The following ARL9 variants were observed in gnomAD, a reference collection of about 807,000 sequenced individuals.
The protein encoded by ARL9 is ARF like GTPase 9.
A neutral mutation model predicts 27.0 loss-of-function variants in ARL9; 14 were observed. The observed-to-expected ratio is 0.52, with a 90% CI of 0.34 to 0.81. The LOEUF (loss-of-function observed/expected upper bound fraction) is 0.81, where lower values mean the gene tolerates loss of function less well. Ranked by LOEUF, ARL9 falls within the 30% of genes least tolerant of loss-of-function variation. The pLI is 0.01. For synonymous variants in ARL9, 106 were observed against 108.7 expected, an observed-to-expected ratio of 0.98 and a Z score of 0.15; for missense variants, 294 against 290.0, an observed-to-expected ratio of 1.01 and a Z score of -0.10.
rs1444307970 is a variant in ARL9 at position 56,523,810 on chromosome 4, A to T, written c.732A>T (p.Ser244=). 6.2e-7 allele frequency: 1 copy of T among 1,614,044 alleles called. No homozygotes were observed. Among genetic ancestry groups the T allele is most frequent in the East Asian group, 2.2e-5 (1 of 44,884 alleles). ...GAACCTACCTGACTAAGAATGGCTCAGAGATACCCTCCACCATGCAAGATG... is the reference window on the plus strand; with the variant it reads ...GAACCTACCTGACTAAGAATGGCTCTGAGATACCCTCCACCATGCAAGATG... ...LFGTYLTKNG[S]EIPSTMQDAK... The change falls in exon 4 of 4, where the codon TCA becomes TCT. Residue 244 remains serine, a synonymous_variant. Coordinates refer to ENST00000640821, the MANE Select transcript of ARL9 (RefSeq NM_001363794.2).
rs1336005981 is a variant in ARL9, at chr4:56,523,547, C to A, written c.619-150C>A. On this transcript the variant is annotated intron_variant, in intron 3 of 3. Coordinates refer to ENST00000640821, the MANE Select transcript of ARL9 (RefSeq NM_001363794.2). ...GATGAAAACCTTTTTATTCAAACAA[C>A]CTCTGGGCTCATAATAATGGAGTCA... The A allele has an allele frequency of 5.0e-6, 3 of 601,088 alleles. No individual in the cohort carries two copies. The African/African-American group carries it at 5.6e-5, about 11-fold the overall frequency. 37.2% of individuals were successfully genotyped at this position (601,088 alleles called of 1,614,324 possible).
chr4:56,513,592 T>C (rs919626432), intron 2 of ARL9, among the ~76,000 whole-genome samples: 7 of 152,060 alleles, frequency 4.6e-5, no homozygotes, highest in Non-Finnish European at 8.8e-5. Flanking sequence ...TTACTCTTCC[T>C]GCTCTTTCCC....
chr4:56,523,608 G>T, intron 3 of ARL9, 89 bp from the exon 4 acceptor site: 1 of 1,064,820 alleles, frequency 9.4e-7, no homozygotes. Flanking sequence ...TGGTCACTGA[G>T]AGCAATAAAT....
In ARL9 at chr4:56,506,049, GAGAC is replaced by G; in HGVS notation, c.189_192del (p.Asn65LysfsTer20). The G allele has an allele frequency of 8.1e-7, 1 of 1,231,616 alleles. No homozygotes were observed. Among genetic ancestry groups the G allele is most frequent in the Middle Eastern group, 3.1e-4 (1 of 3,212 alleles). The allele number at this position is 1,231,616 out of a possible 1,614,324, so 76.3% of individuals were successfully genotyped here. On this transcript the variant is annotated frameshift_variant, in exon 1 of 4. Coordinates refer to ENST00000640821, the MANE Select transcript of ARL9 (RefSeq NM_001363794.2). LOFTEE classifies it high-confidence loss of function. ...GGAAAAGAGGACAAAGCAAGGGAAG[GAGAC>G]AAACAAAGAGAAGGAACAATTTAAG... is the stretch of plus-strand genomic sequence containing the variant.
At chr4:56,521,923 C>G (rs949118640) in intron 3 of ARL9, among the ~76,000 whole-genome samples, 1 of 151,556 alleles carries the variant, frequency 6.6e-6, no homozygotes, top group Non-Finnish European at 1.5e-5. Context: ...TATCATTTTA[C>G]TTTGCTTACT....
chr4:56,511,483 A>T, intron 2 of ARL9, 136 bp downstream of exon 2: 1 of 974,784 alleles, frequency 1.0e-6, no homozygotes, highest in Non-Finnish European at 1.5e-6. Flanking sequence ...ATGGATGTGT[A>T]GTTTAATACC....
chr4:56,508,436 G>A (rs1358272206), intron 1 of ARL9, among the ~76,000 whole-genome samples: 1 of 151,916 alleles, frequency 6.6e-6, no homozygotes, highest in Non-Finnish European at 1.5e-5. Flanking sequence ...AGGCTGGAGT[G>A]CAATGGCGCG....
chr4:56,513,144 T>A (rs937008333), intron 2 of ARL9, among the ~76,000 whole-genome samples: 1 of 152,252 alleles, frequency 6.6e-6, no homozygotes, highest in Non-Finnish European at 1.5e-5. Flanking sequence ...ACAGTGGCTA[T>A]ATTAAGCCAT....
intron 3 of ARL9, among the ~76,000 whole-genome samples, chr4:56,522,740 CA>C (rs1213801788): frequency 6.6e-6 from 1 of 152,176 alleles, no homozygotes; most frequent in Non-Finnish European, 1.5e-5. Context: ...GCGGCCTAAG[CA>C]CAGGCTTCCT....
intron 2 of ARL9, among the ~76,000 whole-genome samples, chr4:56,513,406 AT>A (rs1329065315): frequency 6.6e-6 from 1 of 152,240 alleles, no homozygotes; most frequent in Non-Finnish European, 1.5e-5. Context: ...TCTCTAAAAA[AT>A]TCTTGTAGTT....
Position 56,511,174 on chromosome 4 carries a change from T to G in ARL9, c.280-11T>G, listed in dbSNP as rs1406131312. 1 of 1,548,818 alleles carries G rather than the reference T, an allele frequency of 6.5e-7. No homozygotes were observed. The highest frequency in any genetic ancestry group is 8.7e-7 in the Non-Finnish European group (1 of 1,148,800). ...AGCATGGGCTTATTGATTTATCTTT[T>G]TGTTTCACAGGAGAAAAACAAGCAA... On this transcript the variant is annotated splice_polypyrimidine_tract_variant and intron_variant, in intron 1 of 3. Transcript: ENST00000640821.
intron 1 of ARL9, among the ~76,000 whole-genome samples, chr4:56,510,878 T>G (rs1161180832): frequency 1.3e-5 from 2 of 151,918 alleles, no homozygotes; most frequent in Non-Finnish European, 2.9e-5. Flanking sequence ...TTCAAGTGAT[T>G]TTTGTGCCTC....
At position 56,506,116 on chromosome 4, in the gene ARL9, T is replaced by C; in HGVS notation, c.254T>C (p.Leu85Ser). The change falls in exon 1 of 4, where the codon TTG (leucine) becomes TCG (serine). Residue 85 changes from leucine (L) to serine (S), a missense_variant. By Grantham distance (145) the Leu-to-Ser change is moderately radical. Transcript: ENST00000640821. ...AAAGGGGAGAACAAGGACAGCACCT[T>C]GACAAGGACCCCGCTCGAGCCGCTG... ...EEKGENKDSTLTRTPLEPLEK... is the reference protein window; with the variant it reads ...EEKGENKDSTSTRTPLEPLEK... The C allele has an allele frequency of 8.1e-7, 1 of 1,233,428 alleles. No homozygotes were observed. 76.4% of individuals were successfully genotyped at this position (1,233,428 alleles called of 1,614,324 possible). A position where few individuals can be genotyped will look rare whatever the true frequency, so the allele number is the denominator to read the frequency against.
rs543896552 is a variant in ARL9 at position 56,520,026 on chromosome 4, A to C, written c.618+1173A>C. Among the ~76,000 whole-genome samples the C allele has an allele frequency of 2.3e-3, 351 of 150,386 alleles. 1 individual carries two copies. Among genetic ancestry groups the C allele is most frequent in the African/African-American group, 8.0e-3 (328 of 40,826 alleles). On this transcript the variant is annotated intron_variant, in intron 3 of 3. Coordinates refer to ENST00000640821, the MANE Select transcript of ARL9 (RefSeq NM_001363794.2). ...CCTGACTTTTTTTTTTTTTTGAGAC[A>C]GAGTCTTGCTCTGTCTCACAGGCTG...
chr4:56,522,404 G>C (rs961509244), intron 3 of ARL9, among the ~76,000 whole-genome samples: 6 of 151,516 alleles, frequency 4.0e-5, no homozygotes, highest in African/African-American at 1.5e-4. Flanking sequence ...CTGGGTGACA[G>C]GGTGAGATTC....
intron 2 of ARL9, among the ~76,000 whole-genome samples, chr4:56,518,253 T>A (rs1356152944): frequency 6.6e-6 from 1 of 152,078 alleles, no homozygotes; most frequent in Non-Finnish European, 1.5e-5. Context: ...CCCAGGCTGG[T>A]CTTGAACTAT....
chr4:56,506,197 A>AC, intron 1 of ARL9, 56 bp downstream of exon 1: 4 of 1,231,912 alleles, frequency 3.2e-6, no homozygotes, highest in Non-Finnish European at 4.0e-6. Context: ...GGCCGTTCAG[A>AC]CCCCAGCGCT....
chr4:56,505,560 C>T (rs2110138702), upstream of ARL9: 1 of 579,636 alleles, frequency 1.7e-6, no homozygotes, highest in East Asian at 3.8e-5. Context: ...CCCCGCCGAA[C>T]TGTCCCACGT....
chr4:56,515,804 C>A (rs921759205), intron 2 of ARL9, among the ~76,000 whole-genome samples: 2 of 148,476 alleles, frequency 1.3e-5, no homozygotes, highest in Admixed American at 1.3e-4. Context: ...AATCAAAAGA[C>A]CTAAATAGAG....
Sources: allele counts gnomAD v4.1 joint callset (sites outside exome capture counted in the v4.1 genomes callset), GRCh38; gene constraint gnomAD v4.1.1; transcripts MANE v1.5; gene names NCBI Gene and HGNC (gene_info 2026-07-23, HGNC 2026-07-21).